Variants in HOXB4 observed in about 807,000 individuals in gnomAD.
HOXB4 encodes homeobox protein Hox-B4.
In HOXB4, 13 loss-of-function variants were observed where a neutral mutation model predicts 20.0. The ratio of observed to expected loss-of-function variants is 0.65; its 90% CI spans 0.42 to 1.03. HOXB4 has a LOEUF of 1.03. Ranked by LOEUF, HOXB4 falls within the 50% of genes least tolerant of loss-of-function variation. The pLI, the probability that HOXB4 is intolerant of heterozygous loss-of-function variation, is 0.00. For synonymous variants in HOXB4, 173 were observed against 148.9 expected, an observed-to-expected ratio of 1.16 and a Z score of -1.18; for missense variants, 343 against 357.1, an observed-to-expected ratio of 0.96 and a Z score of 0.32.
chr17:48,577,148 GAGC>G, intron 1 of HOXB4, 128 bp from the exon 2 acceptor site: 1 of 921,904 alleles, frequency 1.1e-6, no homozygotes, highest in Non-Finnish European at 1.5e-6. Flanking sequence ...TTCTGAGGGA[GAGC>G]GGGGAAAAAC....
Position 48,576,833 on chromosome 17 carries a change from C to A in HOXB4, c.645G>T (p.Met215Ile). 5 of 1,614,262 alleles carry A rather than the reference C, an allele frequency of 3.1e-6. No homozygotes were observed. Among genetic ancestry groups the A allele is most frequent in the Non-Finnish European group, 4.2e-6 (5 of 1,180,040 alleles). Reference sequence around the variant, plus strand: ...GCAACTTGTGGTCTTTTTTCCACTTCATGCGCCGGTTCTGGAACCAGATCT... The same window carrying A: ...GCAACTTGTGGTCTTTTTTCCACTTAATGCGCCGGTTCTGGAACCAGATCT... ...QIKIWFQNRR[M>I]KWKKDHKLPN... Residue 215 changes from methionine to isoleucine, a missense_variant, in exon 2 of 2, where the codon ATG (methionine) becomes ATT (isoleucine). Physicochemically the swap from Met to Ile is conservative, Grantham distance 10. This residue lies in a region of HOXB4 where 54 missense variants were observed against 90.3 expected (regional missense o/e 0.60). Transcript: ENST00000332503.
At position 48,576,927 on chromosome 17, in the gene HOXB4, T is replaced by C; in HGVS notation, c.551A>G (p.Asn184Ser). ...CCTCCGGCGCCGTGTCAGGTAGCGGTTGTAGTGAAATTCCTTCTCCAGCTC... is the reference window on the plus strand; with the variant it reads ...CCTCCGGCGCCGTGTCAGGTAGCGGCTGTAGTGAAATTCCTTCTCCAGCTC... ...VLELEKEFHY[N>S]RYLTRRRRVE... The change falls in exon 2 of 2, where the codon AAC becomes AGC. Residue 184 changes from asparagine to serine, a missense_variant. Asn to Ser is a conservative substitution (Grantham distance 46, BLOSUM62 1). This residue lies in a region of HOXB4 where 54 missense variants were observed against 90.3 expected (regional missense o/e 0.60). Transcript: ENST00000332503. 6.2e-7 allele frequency: 1 copy of C among 1,614,028 alleles called. No homozygotes were observed. Among genetic ancestry groups the C allele is most frequent in the Non-Finnish European group, 8.5e-7 (1 of 1,179,956 alleles).
At position 48,576,906 on chromosome 17, in the gene HOXB4, C is replaced by T. The variant is rs752710819; in HGVS notation, c.572G>A (p.Arg191Gln). 4.3e-6 allele frequency: 7 copies of T among 1,614,126 alleles called. No homozygotes were observed. The African/African-American group carries it at 8.0e-5, about 18-fold the overall frequency. Residue 191 changes from arginine to glutamine, a missense_variant, in exon 2 of 2, where the codon CGG becomes CAG. Physicochemically the swap from Arg to Gln is conservative, Grantham distance 43. Around this residue, in one of 3 missense-constraint regions of HOXB4, gnomAD observed 54 missense variants for 90.3 expected, o/e 0.60. Coordinates refer to ENST00000332503, the MANE Select transcript of HOXB4 (RefSeq NM_024015.5). ...GAGCGCGTGGGCGATCTCCACCCTC[C>T]GGCGCCGTGTCAGGTAGCGGTTGTA... is the stretch of plus-strand genomic sequence containing the variant. ...FHYNRYLTRR[R>Q]RVEIAHALCL...
rs2069826252 is a variant in HOXB4 at position 48,578,041 on chromosome 17, A to T, written c.279T>A (p.Ala93=). Residue 93 remains alanine, a synonymous_variant, in exon 1 of 2, where the codon GCT becomes GCA. Transcript: ENST00000332503. ...GGGCCCCGGCGGGTGGCGGCGCAGG[A>T]GCCCGAGGGGACAGACCGGGCGGTG... ...PPPPPGLSPR[A]PAPPPAGALL... is the part of the protein sequence containing the mutation. The T allele has an allele frequency of 4.9e-6, 5 of 1,013,056 alleles. No homozygotes were observed. The highest frequency in any genetic ancestry group is 5.9e-6 in the Non-Finnish European group (5 of 851,168). 62.8% of individuals were successfully genotyped at this position (1,013,056 alleles called of 1,614,324 possible). A position where few individuals can be genotyped will look rare whatever the true frequency, so the allele number is the denominator to read the frequency against.
intron 1 of HOXB4, 141 bp from the exon 2 acceptor site, chr17:48,577,161 C>A (rs2069793110): frequency 9.5e-6 from 8 of 841,550 alleles, no homozygotes; most frequent in Non-Finnish European, 1.4e-5. Flanking sequence ...CGGGGAAAAA[C>A]GAAAAGGGAA....
rs1318380493 is a variant in HOXB4 at position 48,578,310 on chromosome 17, T to C, written c.10A>G (p.Ser4Gly). 6.2e-7 allele frequency: 1 copy of C among 1,608,884 alleles called. No individual in the cohort carries two copies. The highest frequency in any genetic ancestry group is 1.3e-5 in the African/African-American group (1 of 74,550). The change falls in exon 1 of 2, where the codon AGT becomes GGT. Residue 4 changes from serine to glycine, a missense_variant. This residue lies in a region of HOXB4 where 241 missense variants were observed against 222.0 expected (regional missense o/e 1.09). Coordinates refer to ENST00000332503, the MANE Select transcript of HOXB4 (RefSeq NM_024015.5). MAM[S>G]SFLINSNYVD... Reference sequence around the variant, plus strand: ...TAGTTTGAGTTGATCAAAAAAGAACTCATAGCCATTAATTTCTGGGAATTG... The same window carrying C: ...TAGTTTGAGTTGATCAAAAAAGAACCCATAGCCATTAATTTCTGGGAATTG...
rs1034769921 is a variant in HOXB4 at position 48,576,733 on chromosome 17, G to C, written c.745C>G (p.Arg249Gly). The C allele has an allele frequency of 2.7e-6, 4 of 1,506,876 alleles. No homozygotes were observed. Among genetic ancestry groups the C allele is most frequent in the Non-Finnish European group, 9.0e-7 (1 of 1,111,290 alleles). 93.3% of individuals were successfully genotyped at this position (1,506,876 alleles called of 1,614,324 possible). A position where few individuals can be genotyped will look rare whatever the true frequency, so the allele number is the denominator to read the frequency against. The change falls in exon 2 of 2, where the codon CGC (arginine) becomes GGC (glycine). Residue 249 changes from arginine to glycine, a missense_variant. Physicochemically the swap from Arg to Gly is moderately radical, Grantham distance 125. This residue lies in a region of HOXB4 where 48 missense variants were observed against 44.8 expected (regional missense o/e 1.07). Coordinates refer to ENST00000332503, the MANE Select transcript of HOXB4 (RefSeq NM_024015.5). ...GPPGRPNGGPRAL is the reference protein window; with the variant it reads ...GPPGRPNGGPGAL ...CGCGTGCGGGGGCACTAGAGCGCGC[G>C]GGGGCCTCCATTGGGCCGGCCAGGG... is the stretch of plus-strand genomic sequence containing the variant.
intron 1 of HOXB4, among the ~76,000 whole-genome samples, chr17:48,577,541 T>C (rs961086213): frequency 3.9e-5 from 6 of 152,126 alleles, no homozygotes; most frequent in Non-Finnish European, 7.3e-5. Flanking sequence ...TCCTCCTCCT[T>C]CTCCTCCTCC....
At position 48,576,913 on chromosome 17, in the gene HOXB4, G is replaced by C. The variant is rs751342746; in HGVS notation, c.565C>G (p.Arg189Gly). ...TGGGCGATCTCCACCCTCCGGCGCC[G>C]TGTCAGGTAGCGGTTGTAGTGAAAT... ...KEFHYNRYLT[R>G]RRRVEIAHAL... The change falls in exon 2 of 2, where the codon CGG (arginine) becomes GGG (glycine). Residue 189 changes from arginine to glycine, a missense_variant. Coordinates refer to ENST00000332503, the MANE Select transcript of HOXB4 (RefSeq NM_024015.5). 1 of 1,614,248 alleles carries C rather than the reference G, an allele frequency of 6.2e-7. No homozygotes were observed. Among genetic ancestry groups the C allele is most frequent in the Non-Finnish European group, 8.5e-7 (1 of 1,180,036 alleles).
At position 48,576,704 on chromosome 17, in the gene HOXB4, C is replaced by A. The variant is rs2069774799; in HGVS notation, c.*18G>T. The A allele has an allele frequency of 7.7e-7, 1 of 1,297,030 alleles. No individual in the cohort carries two copies. The highest frequency in any genetic ancestry group is 1.0e-6 in the Non-Finnish European group (1 of 981,148). The allele number at this position is 1,297,030 out of a possible 1,614,324, so 80.3% of individuals were successfully genotyped here. A position where few individuals can be genotyped will look rare whatever the true frequency, so the allele number is the denominator to read the frequency against. On this transcript the variant is annotated 3_prime_UTR_variant, in exon 2 of 2. Coordinates refer to ENST00000332503, the MANE Select transcript of HOXB4 (RefSeq NM_024015.5). ...CCCACCCCCACCCCGAGGTTCGTGGCTCCCGCGTGCGGGGGCACTAGAGCG... is the reference window on the plus strand; with the variant it reads ...CCCACCCCCACCCCGAGGTTCGTGGATCCCGCGTGCGGGGGCACTAGAGCG...
In HOXB4 at chr17:48,576,298, G is replaced by C. The variant is rs2069757985; in HGVS notation, c.*424C>G. On this transcript the variant is annotated 3_prime_UTR_variant, in exon 2 of 2. Coordinates refer to ENST00000332503, the MANE Select transcript of HOXB4 (RefSeq NM_024015.5). ...GTGTCGAGGTAATGGTCGCCACCGAGGCCCGTCTTCTCCTCGGCAGAGGAA... is the reference window on the plus strand; with the variant it reads ...GTGTCGAGGTAATGGTCGCCACCGACGCCCGTCTTCTCCTCGGCAGAGGAA... 6.4e-6 allele frequency: 1 copy of C among 156,034 alleles called. No homozygotes were observed. Among genetic ancestry groups the C allele is most frequent in the South Asian group, 2.1e-4 (1 of 4,868 alleles). 9.7% of individuals were successfully genotyped at this position (156,034 alleles called of 1,614,324 possible).
chr17:48,576,926 G>A lies in HOXB4; in HGVS notation c.552C>T (p.Asn184=), dbSNP rs1051276456. ...VLELEKEFHY[N]RYLTRRRRVE... ...CCCTCCGGCGCCGTGTCAGGTAGCGGTTGTAGTGAAATTCCTTCTCCAGCT... is the reference window on the plus strand; with the variant it reads ...CCCTCCGGCGCCGTGTCAGGTAGCGATTGTAGTGAAATTCCTTCTCCAGCT... Residue 184 remains asparagine, a synonymous_variant, in exon 2 of 2, where the codon AAC becomes AAT. Transcript: ENST00000332503. The A allele has an allele frequency of 6.2e-7, 1 of 1,614,134 alleles. No individual in the cohort carries two copies. Among genetic ancestry groups the A allele is most frequent in the African/African-American group, 1.3e-5 (1 of 74,954 alleles).
chr17:48,576,203 T>A lies in HOXB4; in HGVS notation c.*519A>T. 1 of 153,176 alleles carries A rather than the reference T, an allele frequency of 6.5e-6. No homozygotes were observed. 9.5% of individuals were successfully genotyped at this position (153,176 alleles called of 1,614,324 possible). A position where few individuals can be genotyped will look rare whatever the true frequency, so the allele number is the denominator to read the frequency against. ...GGGAGTGGGGGACAAAGAAAGGAAA[T>A]CCAGGCTGTCTTCCAGCAGCGGCAG... On this transcript the variant is annotated 3_prime_UTR_variant, in exon 2 of 2. Transcript: ENST00000332503.
Position 48,576,985 on chromosome 17 carries a change from A to C in HOXB4, c.493T>G (p.Ser165Ala). The C allele has an allele frequency of 6.2e-7, 1 of 1,610,396 alleles. No homozygotes were observed. ...TGCTGGCGCGTGTAGGCGGTCCGAG[A>C]GCGCTTGGGCTCCCCGCCGGCGTAA... is the stretch of plus-strand genomic sequence containing the variant. The part of the protein sequence containing the change: ...PNYAGGEPKR[S>A]RTAYTRQQVL... The change falls in exon 2 of 2, where the codon TCT (serine) becomes GCT (alanine). Residue 165 changes from serine to alanine, a missense_variant. Coordinates refer to ENST00000332503, the MANE Select transcript of HOXB4 (RefSeq NM_024015.5).
At position 48,576,645 on chromosome 17, in the gene HOXB4, T is replaced by TGCCCCCCCCCCCCCCCCCCC; in HGVS notation, c.*76_*77insGGGGGGGGGGGGGGGGGGGC. Reference sequence around the variant, plus strand: ...CCGGGGCCCAGGCCCCAGGGCCCCCTCCTGTCCCCCCACCCCATCCCCTGC... The same window carrying TGCCCCCCCCCCCCCCCCCCC: ...CCGGGGCCCAGGCCCCAGGGCCCCCTGCCCCCCCCCCCCCCCCCCCCCTGTCCCCCCACCCCATCCCCTGC... On this transcript the variant is annotated 3_prime_UTR_variant, in exon 2 of 2. Transcript: ENST00000332503. The TGCCCCCCCCCCCCCCCCCCC allele has an allele frequency of 1.8e-6, 1 of 559,070 alleles. No homozygotes were observed. 34.6% of individuals were successfully genotyped at this position (559,070 alleles called of 1,614,324 possible).
chr17:48,577,772 C>T (rs1473638623), intron 1 of HOXB4, 91 bp downstream of exon 1: 19 of 1,183,338 alleles, frequency 1.6e-5, no homozygotes, highest in Non-Finnish European at 1.8e-5. Context: ...ATTGGCTTCC[C>T]CAGCTCAACC....
At position 48,575,763 on chromosome 17, in the gene HOXB4, C is replaced by T. The variant is rs1270988996; in HGVS notation, c.*959G>A. The T allele has an allele frequency of 1.3e-5, 2 of 152,620 alleles. No homozygotes were observed. Among genetic ancestry groups the T allele is most frequent in the Non-Finnish European group, 2.9e-5 (2 of 68,042 alleles). 9.5% of individuals were successfully genotyped at this position (152,620 alleles called of 1,614,324 possible). Reference sequence around the variant, plus strand: ...GGCTCTGCAACATCCTCCTCCCAGACTGGGAGGGGCACATTTTATTTCCTA... The same window carrying T: ...GGCTCTGCAACATCCTCCTCCCAGATTGGGAGGGGCACATTTTATTTCCTA... On this transcript the variant is annotated 3_prime_UTR_variant, in exon 2 of 2. Coordinates refer to ENST00000332503, the MANE Select transcript of HOXB4 (RefSeq NM_024015.5).
chr17:48,577,540 T>C (rs1403783588), intron 1 of HOXB4, among the ~76,000 whole-genome samples: 1 of 152,186 alleles, frequency 6.6e-6, no homozygotes, highest in Non-Finnish European at 1.5e-5. Context: ...CTCCTCCTCC[T>C]TCTCCTCCTC....
rs114420588 is a variant in HOXB4, at chr17:48,576,240, G to A, written c.*482C>T. The A allele has an allele frequency of 0.012, 1,851 of 153,652 alleles. 37 individuals are homozygous for A. The highest frequency in any genetic ancestry group is 0.04 in the African/African-American group (1,664 of 41,592). 9.5% of individuals were successfully genotyped at this position (153,652 alleles called of 1,614,324 possible). On this transcript the variant is annotated 3_prime_UTR_variant, in exon 2 of 2. Coordinates refer to ENST00000332503, the MANE Select transcript of HOXB4 (RefSeq NM_024015.5). Reference sequence around the variant, plus strand: ...TCCAGCAGCGGCAGTAGCAGAGGCGGAGGCGGCCGAGCCGGGCCTCATTTG... The same window carrying A: ...TCCAGCAGCGGCAGTAGCAGAGGCGAAGGCGGCCGAGCCGGGCCTCATTTG...
Sources: allele counts gnomAD v4.1 joint callset (sites outside exome capture counted in the v4.1 genomes callset), GRCh38; gene constraint gnomAD v4.1.1; regional missense constraint gnomAD v4.1.1; transcripts MANE v1.5; gene names NCBI Gene and HGNC (gene_info 2026-07-23, HGNC 2026-07-21).